Variants in TRMT44 observed in about 807,000 individuals in gnomAD.
TRMT44 encodes the protein probable tRNA (uracil-O(2)-)-methyltransferase.
TRMT44 carries 78 observed loss-of-function variants against 77.3 expected under a neutral mutation model. That is an observed-to-expected ratio of 1.01 (90% CI 0.84 to 1.22). TRMT44 has a LOEUF of 1.22. Ranked by LOEUF, TRMT44 falls within the 50% of genes most tolerant of loss-of-function variation. The pLI is 0.00. For synonymous variants in TRMT44, 391 were observed against 383.3 expected (o/e 1.02, Z -0.23); for missense variants, 1,090 against 964.4 (o/e 1.13, Z -1.73).
the TRMT44 span, among the ~76,000 whole-genome samples, chr4:8,505,979 G>A: frequency 6.6e-6 from 1 of 152,268 alleles, no homozygotes; most frequent in Non-Finnish European, 1.5e-5. Flanking sequence ...GTGGAACTGT[G>A]AGTCAAGTAA....
chr4:8,456,428 G>T (rs539666587), intron 6 of TRMT44, among the ~76,000 whole-genome samples: 2 of 151,946 alleles, frequency 1.3e-5, no homozygotes, highest in African/African-American at 2.4e-5. Context: ...GCAGAGAAAA[G>T]TTACGGCATT....
downstream of TRMT44, among the ~76,000 whole-genome samples, chr4:8,498,339 T>C (rs572948428): frequency 2.0e-5 from 3 of 152,292 alleles, no homozygotes; most frequent in Non-Finnish European, 4.4e-5. This position sits in a 1 kb window ranked among gnomAD's most constrained non-coding sequence, Gnocchi z 4.3. Flanking sequence ...TATTCGTCTG[T>C]TCTCAAATCA....
intron 2 of TRMT44, among the ~76,000 whole-genome samples, chr4:8,491,624 T>A (rs534280116): frequency 6.6e-6 from 1 of 152,196 alleles, no homozygotes; most frequent in Admixed American, 6.5e-5. Context: ...CTGGGGGACC[T>A]AGTACACCCT....
intron 9 of TRMT44, among the ~76,000 whole-genome samples, chr4:8,469,538 C>T (rs1726840991): frequency 6.6e-6 from 1 of 152,202 alleles, no homozygotes; most frequent in African/African-American, 2.4e-5. Flanking sequence ...AGATGACGGG[C>T]ACACAGATGT....
Position 8,452,249 on chromosome 4 carries a change from TG to T in TRMT44, c.1023+222del. On this transcript the variant is annotated intron_variant, in intron 4 of 10. Transcript: ENST00000389737. This position sits in a 1 kb window ranked among gnomAD's most constrained non-coding sequence, Gnocchi z 5.7. ...CTTGACCTCGGGTTCCAACTTGACCTGCAGGCGGAACTGTACGTCCACACTC... is the reference window on the plus strand; with the variant it reads ...CTTGACCTCGGGTTCCAACTTGACCTCAGGCGGAACTGTACGTCCACACTC... Among the ~76,000 whole-genome samples the T allele has an allele frequency of 6.6e-6, 1 of 152,212 alleles. No homozygotes were observed. Among genetic ancestry groups the T allele is most frequent in the Non-Finnish European group, 1.5e-5 (1 of 68,020 alleles).
At chr4:8,462,309 G>A (rs896783763) in intron 6 of TRMT44, among the ~76,000 whole-genome samples, 4 of 152,232 alleles carry the variant, frequency 2.6e-5, no homozygotes, top group Non-Finnish European at 4.4e-5. Flanking sequence ...TACTCGGGAG[G>A]CTGAGGCAGG....
rs1161974808 is a variant in TRMT44 at position 8,461,735 on chromosome 4, G to C, written c.1204-2250G>C. On this transcript the variant is annotated intron_variant, in intron 6 of 10. Transcript: ENST00000389737. This position sits in a 1 kb window ranked among gnomAD's most constrained non-coding sequence, Gnocchi z 4.6. ...AACCTTCAGTCTCGGTGCTAAAATA[G>C]CCATGTTTATTCTAGTGTTAAATAA... 6.6e-6 allele frequency among the ~76,000 whole-genome samples: 1 copy of C among 152,098 alleles called. No homozygotes were observed. The highest frequency in any genetic ancestry group is 2.4e-5 in the African/African-American group (1 of 41,390).
chr4:8,462,667 T>C (rs2109141878), intron 6 of TRMT44, among the ~76,000 whole-genome samples: 1 of 152,300 alleles, frequency 6.6e-6, no homozygotes, highest in Non-Finnish European at 1.5e-5. Context: ...ATCGCGCCAC[T>C]GCACTCCAGC....
At chr4:8,459,748 G>C (rs181020046) in intron 6 of TRMT44, among the ~76,000 whole-genome samples, 3 of 152,280 alleles carry the variant, frequency 2.0e-5, no homozygotes, top group Admixed American at 6.5e-5. Context: ...TCACATATTT[G>C]AGTGTCCCCT....
rs149839043 is a variant in TRMT44 at position 8,475,914 on chromosome 4, C to G, written c.2187C>G (p.Cys729Trp). ...CWFFMHHPDG[C>W]ALSTDCCPFA... ...TCTTCATGCATCACCCTGATGGCTGCGCTCTGTCCACGGACTGCTGCCCGT... is the reference window on the plus strand; with the variant it reads ...TCTTCATGCATCACCCTGATGGCTGGGCTCTGTCCACGGACTGCTGCCCGT... The change falls in exon 11 of 11, where the codon TGC becomes TGG. Residue 729 changes from cysteine (C) to tryptophan (W), a missense_variant. By Grantham distance (215) the Cys-to-Trp change is radical. Transcript: ENST00000389737. 1 of 1,614,188 alleles carries G rather than the reference C, an allele frequency of 6.2e-7. No homozygotes were observed. The highest frequency in any genetic ancestry group is 8.5e-7 in the Non-Finnish European group (1 of 1,180,046).
chr4:8,511,882 C>T, the TRMT44 span: 2 of 152,170 alleles, frequency 1.3e-5, no homozygotes, highest in African/African-American at 2.4e-5. Flanking sequence ...AGCAACTATT[C>T]GTTGAGATGA....
the TRMT44 span, among the ~76,000 whole-genome samples, chr4:8,505,209 G>T: frequency 6.6e-6 from 1 of 152,206 alleles, no homozygotes; most frequent in Non-Finnish European, 1.5e-5. Context: ...CTTCTGTCCG[G>T]GTGCTGCTCC....
chr4:8,515,454 T>A, the TRMT44 span, among the ~76,000 whole-genome samples: 1 of 152,218 alleles, frequency 6.6e-6, no homozygotes, highest in Non-Finnish European at 1.5e-5. Context: ...CCACAGCATT[T>A]CCTGAGCAGA....
chr4:8,490,965 G>C (rs951432667), intron 2 of TRMT44, among the ~76,000 whole-genome samples: 1 of 152,096 alleles, frequency 6.6e-6, no homozygotes, highest in East Asian at 1.9e-4. Context: ...GGCCCCACCA[G>C]AGCAGCTAGA....
At position 8,476,444 on chromosome 4, in the gene TRMT44, C is replaced by T. The variant is rs148044730; in HGVS notation, c.*443C>T. ...CGTTTCTCACCACACTGGAGAGCAG[C>T]TGCTCTGGAGCAGGGATCCACCAGA... On this transcript the variant is annotated 3_prime_UTR_variant, in exon 11 of 11. Coordinates refer to ENST00000389737, the MANE Select transcript of TRMT44 (RefSeq NM_152544.3). 0.01 allele frequency: 1,771 copies of T among 174,856 alleles called. 16 individuals carry two copies. The highest frequency in any genetic ancestry group is 0.018 in the Middle Eastern group (6 of 342). 10.8% of individuals were successfully genotyped at this position (174,856 alleles called of 1,614,324 possible).
intron 2 of TRMT44, among the ~76,000 whole-genome samples, chr4:8,482,753 T>C (rs1223246743): frequency 6.6e-6 from 1 of 152,134 alleles, no homozygotes; most frequent in South Asian, 2.1e-4. Context: ...TTTTCACTTT[T>C]GTGATTCTTC....
intron 10 of TRMT44, among the ~76,000 whole-genome samples, chr4:8,474,627 A>G (rs1308358365): frequency 2.0e-5 from 3 of 152,132 alleles, no homozygotes; most frequent in Non-Finnish European, 4.4e-5. Context: ...TAATTCCTAC[A>G]CTTTCAAGTT....
At chr4:8,450,183 G>T (rs151141713) in intron 3 of TRMT44, among the ~76,000 whole-genome samples, 394 of 151,894 alleles carry the variant, frequency 2.6e-3, no homozygotes, top group African/African-American at 9.3e-3. Context: ...GCCCAGACTG[G>T]TCTTGGCCTC....
At position 8,491,732 on chromosome 4, in the gene TRMT44, C is replaced by T. The variant is rs1308429466; in HGVS notation, n.3892-1534C>T. 2.6e-5 allele frequency among the ~76,000 whole-genome samples: 4 copies of T among 152,362 alleles called. No individual in the cohort carries two copies. The South Asian group carries it at 6.2e-4, about 24-fold the overall frequency. On this transcript the variant is annotated intron_variant and non_coding_transcript_variant, in intron 2 of 2. Transcript: ENST00000511366. ...CAGGCCCGCCAAACCCACGCCCACCCGGAACTCCAGCTGGCCCCCAAGCGC... is the reference window on the plus strand; with the variant it reads ...CAGGCCCGCCAAACCCACGCCCACCTGGAACTCCAGCTGGCCCCCAAGCGC...
Sources: allele counts gnomAD v4.1 joint callset (sites outside exome capture counted in the v4.1 genomes callset), GRCh38; gene constraint gnomAD v4.1.1; non-coding constraint Gnocchi (gnomAD v3.1); transcripts MANE v1.5; gene names NCBI Gene and HGNC (gene_info 2026-07-23, HGNC 2026-07-21).